The following DENND5B variants were observed in gnomAD, a reference collection of about 807,000 sequenced individuals.
DENND5B encodes DENN domain containing 5B.
A neutral mutation model predicts 140.6 loss-of-function variants in DENND5B; 34 were observed. The ratio of observed to expected loss-of-function variants is 0.24; its 90% CI spans 0.18 to 0.32. DENND5B has a LOEUF of 0.32. Among genes scored for constraint, DENND5B ranks in the 10% least tolerant of loss-of-function variants. The pLI is 1.00. For synonymous variants in DENND5B, 551 were observed against 562.1 expected, an observed-to-expected ratio of 0.98 and a Z score of 0.28; for missense variants, 1,142 against 1,560.2, an observed-to-expected ratio of 0.73 and a Z score of 4.52.
intron 1 of DENND5B, chr12:31,535,127 T>C: frequency 9.7e-6 from 3 of 308,776 alleles, no homozygotes; most frequent in East Asian, 1.0e-4. Flanking sequence ...CATTGATATC[T>C]GCATCACACT....
chr12:31,398,733 A>C (rs1051596677), intron 16 of DENND5B, among the ~76,000 whole-genome samples: 1 of 152,206 alleles, frequency 6.6e-6, no homozygotes, highest in African/African-American at 2.4e-5. Context: ...AAATTATTTT[A>C]GGCTTCTTTT....
chr12:31,482,110 T>A (rs1415100800), intron 2 of DENND5B, among the ~76,000 whole-genome samples: 1 of 152,224 alleles, frequency 6.6e-6, no homozygotes, highest in Non-Finnish European at 1.5e-5. Flanking sequence ...GTGTCCAAAC[T>A]GCTCCTCACA....
intron 1 of DENND5B, among the ~76,000 whole-genome samples, chr12:31,553,513 G>A (rs1012757274): frequency 5.9e-5 from 9 of 152,212 alleles, no homozygotes; most frequent in African/African-American, 1.7e-4. Context: ...TAGGTGTGGT[G>A]TGGTGCTGCA....
chr12:31,565,054 G>A (rs1421469291), intron 1 of DENND5B, among the ~76,000 whole-genome samples: 8 of 152,166 alleles, frequency 5.3e-5, no homozygotes, highest in African/African-American at 1.9e-4. Flanking sequence ...GCCTCAAGAT[G>A]ACCCTCAATG....
chr12:31,414,420 T>C (rs949291792), intron 12 of DENND5B, among the ~76,000 whole-genome samples: 5 of 152,212 alleles, frequency 3.3e-5, no homozygotes, highest in African/African-American at 4.8e-5. Context: ...CTGATTGCAA[T>C]TGTTCTGCCA....
intron 4 of DENND5B, among the ~76,000 whole-genome samples, chr12:31,453,823 G>C (rs1405703194): frequency 6.6e-6 from 1 of 152,036 alleles, no homozygotes; most frequent in Admixed American, 6.6e-5. Flanking sequence ...GCAGCATAGT[G>C]AAACTCTAAA....
At chr12:31,539,775 A>G (rs1464977607) in intron 1 of DENND5B, among the ~76,000 whole-genome samples, 1 of 152,084 alleles carries the variant, frequency 6.6e-6, no homozygotes, top group Non-Finnish European at 1.5e-5. Context: ...CTAGTATCAT[A>G]CTGATGAGGA....
At chr12:31,499,469 T>A in intron 1 of DENND5B, 1 of 573,658 alleles carries the variant, frequency 1.7e-6, no homozygotes, top group Non-Finnish European at 2.6e-6. Context: ...AAGATGCAGA[T>A]GAGAGAAGAG....
chr12:31,543,422 T>C (rs375164394), intron 1 of DENND5B, among the ~76,000 whole-genome samples: 3 of 152,214 alleles, frequency 2.0e-5, no homozygotes, highest in Non-Finnish European at 4.4e-5. Context: ...CTTGTCAGCA[T>C]AGATACCTTT....
intron 1 of DENND5B, among the ~76,000 whole-genome samples, chr12:31,553,057 T>G (rs934674575): frequency 2.6e-4 from 39 of 152,194 alleles, no homozygotes; most frequent in Admixed American, 2.5e-3. Context: ...TTGGTCTCTA[T>G]TTCCTCCAGT....
intron 1 of DENND5B, among the ~76,000 whole-genome samples, chr12:31,567,749 T>A (rs535067025): frequency 3.7e-4 from 56 of 152,244 alleles, no homozygotes; most frequent in Admixed American, 1.6e-3. Context: ...AGATTAAGGC[T>A]GCAGTGAGCT....
At position 31,387,480 on chromosome 12, in the gene DENND5B, T is replaced by TG. The variant is rs1292099133; in HGVS notation, c.*122dup. The TG allele has an allele frequency of 5.2e-6, 5 of 955,108 alleles. No individual in the cohort carries two copies. Among genetic ancestry groups the TG allele is most frequent in the Non-Finnish European group, 7.8e-6 (5 of 643,392 alleles). 59.2% of individuals were successfully genotyped at this position (955,108 alleles called of 1,614,324 possible). A position where few individuals can be genotyped will look rare whatever the true frequency, so the allele number is the denominator to read the frequency against. On this transcript the variant is annotated 3_prime_UTR_variant, in exon 21 of 21. Transcript: ENST00000389082. ...TTTGCCTTGTCTGTAGAGTGAGGAT[T>TG]GTTCCAAATGGGGCATATGTTTGGC...
intron 4 of DENND5B, among the ~76,000 whole-genome samples, chr12:31,458,267 AT>A (rs1362279212): frequency 1.8e-4 from 27 of 152,362 alleles, no homozygotes; most frequent in African/African-American, 6.0e-4. Flanking sequence ...AACAATTGTT[AT>A]GAAAAATGGA....
intron 14 of DENND5B, 84 bp downstream of exon 14, chr12:31,409,179 G>C (rs1942302987): frequency 1.5e-6 from 2 of 1,370,018 alleles, no homozygotes; most frequent in African/African-American, 2.9e-5. Flanking sequence ...CATGTACTAT[G>C]GCATATCTTG....
chr12:31,402,900 CA>C (rs1941886771), intron 14 of DENND5B, among the ~76,000 whole-genome samples: 1 of 151,886 alleles, frequency 6.6e-6, no homozygotes, highest in South Asian at 2.1e-4. Context: ...ATGCATATAT[CA>C]ACATTAAACG....
chr12:31,490,971 T>G (rs1023857219), intron 2 of DENND5B, among the ~76,000 whole-genome samples: 21 of 152,220 alleles, frequency 1.4e-4, no homozygotes, highest in Non-Finnish European at 3.1e-4. Context: ...ACATAAAAAA[T>G]AGAATCCTTA....
At position 31,399,029 on chromosome 12, in the gene DENND5B, C is replaced by T. The variant is rs1329991409; in HGVS notation, c.3068+625G>A. 3.4e-5 allele frequency among the ~76,000 whole-genome samples: 5 copies of T among 145,590 alleles called. No homozygotes were observed. In the South Asian group the frequency reaches 8.7e-4, roughly 25 times the overall value. On this transcript the variant is annotated intron_variant, in intron 16 of 20. Transcript: ENST00000389082. ...CCCAGCTACTCGGGAGGCTGAAGCA[C>T]GAGAACTGCTTGAACCTGGGAGGCA... is the stretch of plus-strand genomic sequence containing the variant.
intron 1 of DENND5B, among the ~76,000 whole-genome samples, chr12:31,505,239 CTTT>C (rs200931111): frequency 7.7e-5 from 10 of 129,110 alleles, no homozygotes; most frequent in Admixed American, 2.5e-4. Flanking sequence ...CAGAATTTGC[CTTT>C]TTTTTTTTTT....
chr12:31,564,938 G>A (rs1007520188), intron 1 of DENND5B, among the ~76,000 whole-genome samples: 19 of 152,138 alleles, frequency 1.2e-4, no homozygotes, highest in South Asian at 6.2e-4. Flanking sequence ...TTCCTTCAGC[G>A]GAGATGGCAT....
Sources: allele counts gnomAD v4.1 joint callset (sites outside exome capture counted in the v4.1 genomes callset), GRCh38; gene constraint gnomAD v4.1.1; transcripts MANE v1.5; gene names NCBI Gene and HGNC (gene_info 2026-07-23, HGNC 2026-07-21).